Variants in CREM observed in about 807,000 individuals in gnomAD.
CREM encodes cAMP-responsive element modulator.
A neutral mutation model predicts 37.3 loss-of-function variants in CREM; 13 were observed. The observed-to-expected ratio is 0.35, with a 90% CI of 0.23 to 0.55. The LOEUF is 0.55. Among genes scored for constraint, CREM ranks in the 20% least tolerant of loss-of-function variants. CREM has a pLI of 0.88. For missense variants in CREM, 296 were observed against 362.3 expected (o/e 0.82, Z 1.49); for synonymous variants, 124 against 120.2 (o/e 1.03, Z -0.21).
intron 6 of CREM, among the ~76,000 whole-genome samples, chr10:35,198,866 G>C (rs548575171): frequency 6.6e-6 from 1 of 152,032 alleles, no homozygotes; most frequent in Non-Finnish European, 1.5e-5. Context: ...GAATAATTTC[G>C]AGGCTGGGCG....
intron 6 of CREM, among the ~76,000 whole-genome samples, chr10:35,189,326 G>T (rs960668499): frequency 2.6e-5 from 4 of 151,970 alleles, no homozygotes; most frequent in Non-Finnish European, 5.9e-5. Context: ...GATTTCAACT[G>T]GATTTGCGTT....
chr10:35,206,247 CAA>C (rs1032228778), intron 6 of CREM, among the ~76,000 whole-genome samples: 2 of 109,260 alleles, frequency 1.8e-5, no homozygotes, highest in African/African-American at 3.3e-5. Context: ...GACTCCGTCT[CAA>C]AAAAAAAAAA....
intron 3 of CREM, 76 bp from the exon 4 acceptor site, chr10:35,178,813 C>G (rs2094216759): frequency 8.4e-7 from 1 of 1,193,976 alleles, no homozygotes; most frequent in South Asian, 1.5e-5. Context: ...CACACACAGA[C>G]TCTTAGCCTC....
intron 3 of CREM, among the ~76,000 whole-genome samples, chr10:35,165,292 T>TC (rs1372756479): frequency 6.6e-6 from 1 of 151,760 alleles, no homozygotes; most frequent in Admixed American, 6.6e-5. Context: ...GCCACACTCT[T>TC]CAACAACCAG....
intron 3 of CREM, among the ~76,000 whole-genome samples, chr10:35,177,554 C>T (rs548041377): frequency 7.2e-5 from 11 of 152,302 alleles, no homozygotes; most frequent in African/African-American, 2.4e-4. Context: ...TTGCCTCAGT[C>T]TTTCAAAGTG....
chr10:35,158,713 C>T (rs1026415329), intron 3 of CREM: 13 of 152,138 alleles, frequency 8.5e-5, no homozygotes, highest in African/African-American at 3.1e-4. Context: ...TTCAACATAG[C>T]TCAAGTTATA....
In CREM at chr10:35,211,802, A is replaced by G; in HGVS notation, c.*404A>G. ...ATTTGTTCTCCCAAAACAGATTACTAGAAATATTTAACTATGAACTGAAGG... is the reference window on the plus strand; with the variant it reads ...ATTTGTTCTCCCAAAACAGATTACTGGAAATATTTAACTATGAACTGAAGG... On this transcript the variant is annotated 3_prime_UTR_variant, in exon 8 of 8. Transcript: ENST00000685392. The G allele has an allele frequency of 1.2e-6, 2 of 1,603,546 alleles. No individual in the cohort carries two copies. Among genetic ancestry groups the G allele is most frequent in the African/African-American group, 1.3e-5 (1 of 74,356 alleles).
chr10:35,153,568 A>G (rs1029630303), intron 3 of CREM, among the ~76,000 whole-genome samples: 3 of 152,212 alleles, frequency 2.0e-5, no homozygotes, highest in Non-Finnish European at 4.4e-5. Flanking sequence ...TAACACTGCC[A>G]TGAAGACCTA....
In CREM at chr10:35,206,811, G is replaced by A. The variant is rs964457402; in HGVS notation, c.599-84G>A. ...GATCACCTCTTATGAGATGTCAAAAGTATATCATTTCCAGATCAGTTTTAT... is the reference window on the plus strand; with the variant it reads ...GATCACCTCTTATGAGATGTCAAAAATATATCATTTCCAGATCAGTTTTAT... On this transcript the variant is annotated intron_variant, in intron 6 of 7. Transcript: ENST00000685392. 2.3e-6 allele frequency: 3 copies of A among 1,285,152 alleles called. No homozygotes were observed. In the African/African-American group the frequency reaches 4.4e-5, roughly 19 times the overall value. The allele number at this position is 1,285,152 out of a possible 1,614,324, so 79.6% of individuals were successfully genotyped here. A position where few individuals can be genotyped will look rare whatever the true frequency, so the allele number is the denominator to read the frequency against.
rs2093656690 is a variant in CREM at position 35,168,492 on chromosome 10, A to G, written c.169-10397A>G. On this transcript the variant is annotated intron_variant, in intron 3 of 7. Transcript: ENST00000685392. Reference sequence around the variant, plus strand: ...TGTTTGAGTTCATTGTAGATTCTGGATATTAGCCCATTGTCAGATGAGTAG... The same window carrying G: ...TGTTTGAGTTCATTGTAGATTCTGGGTATTAGCCCATTGTCAGATGAGTAG... Among the ~76,000 whole-genome samples the G allele has an allele frequency of 2.6e-5, 4 of 152,064 alleles. No individual in the cohort carries two copies. In the South Asian group the frequency reaches 8.3e-4, roughly 32 times the overall value.
chr10:35,208,467 G>C (rs2095588350), intron 7 of CREM, among the ~76,000 whole-genome samples: 1 of 152,152 alleles, frequency 6.6e-6, no homozygotes, highest in Admixed American at 6.5e-5. Flanking sequence ...AAATTAATCT[G>C]ATTTTCAAAA....
At chr10:35,204,729 T>G (rs564053655) in intron 6 of CREM, among the ~76,000 whole-genome samples, 3 of 152,352 alleles carry the variant, frequency 2.0e-5, no homozygotes, top group African/African-American at 7.2e-5. Flanking sequence ...GTGAGCTTCC[T>G]TGAAAGCCAT....
At chr10:35,182,117 T>G (rs1374493984) in intron 5 of CREM, among the ~76,000 whole-genome samples, 2 of 152,236 alleles carry the variant, frequency 1.3e-5, no homozygotes, top group African/African-American at 4.8e-5. Flanking sequence ...GATAATTCTT[T>G]GAGAAGTGAA....
At chr10:35,139,910 G>A (rs934923376) in intron 2 of CREM, among the ~76,000 whole-genome samples, 2 of 152,160 alleles carry the variant, frequency 1.3e-5, no homozygotes, top group Non-Finnish European at 2.9e-5. Context: ...TTTCTGCTGA[G>A]ATAGTGCCTG....
At chr10:35,200,747 T>C (rs1183627868) in intron 6 of CREM, among the ~76,000 whole-genome samples, 1 of 152,196 alleles carries the variant, frequency 6.6e-6, no homozygotes, top group Non-Finnish European at 1.5e-5. Context: ...AGTTAACCTC[T>C]GCTGCTTACT....
chr10:35,164,861 C>T (rs201048886), intron 3 of CREM, among the ~76,000 whole-genome samples: 1 of 151,984 alleles, frequency 6.6e-6, no homozygotes, highest in African/African-American at 2.4e-5. Context: ...ACGAGCCTGG[C>T]CAACATGGTG....
At chr10:35,164,173 A>G (rs775235374) in intron 3 of CREM, among the ~76,000 whole-genome samples, 14 of 152,244 alleles carry the variant, frequency 9.2e-5, no homozygotes, top group South Asian at 2.1e-4. Context: ...TACCTAAAAC[A>G]TGGAAAATAC....
In CREM at chr10:35,206,910, T is replaced by C. The variant is rs1365925407; in HGVS notation, c.614T>C (p.Met205Thr). Residue 205 changes from methionine (M) to threonine (T), a missense_variant, in exon 7 of 8, where the codon ATG (methionine) becomes ACG (threonine). Around this residue, in one of 2 missense-constraint regions of CREM, gnomAD observed 257 missense variants for 280.2 expected, o/e 0.92. Coordinates refer to ENST00000685392, the MANE Select transcript of CREM (RefSeq NM_183011.2). ...TTTACTGCAGCTGCCACTGGTGACA[T>C]GCCAACTTACCAGATCCGAGCTCCT... ...QVVVQAATGD[M>T]PTYQIRAPTA... The C allele has an allele frequency of 6.2e-7, 1 of 1,613,734 alleles. No homozygotes were observed. Among genetic ancestry groups the C allele is most frequent in the South Asian group, 1.1e-5 (1 of 91,062 alleles).
intron 6 of CREM, among the ~76,000 whole-genome samples, chr10:35,203,642 A>T: frequency 6.6e-6 from 1 of 152,108 alleles, no homozygotes; most frequent in Non-Finnish European, 1.5e-5. Flanking sequence ...CAGTGAGCCG[A>T]GATTGTGCCA....
Sources: gnomAD v4.1 joint callset for allele counts (sites outside exome capture counted in the v4.1 genomes callset) on GRCh38, gnomAD v4.1.1 for gene constraint, gnomAD v4.1.1 regional missense constraint, MANE v1.5 for transcripts, NCBI Gene and HGNC (gene_info 2026-07-23, HGNC 2026-07-21) for gene names.